The following NPSR1 variants were observed in gnomAD, a reference collection of about 807,000 sequenced individuals.
The protein encoded by NPSR1 is neuropeptide S receptor 1.
NPSR1 carries 48 observed loss-of-function variants against 46.9 expected under a neutral mutation model. The observed-to-expected ratio is 1.02, with a 90% confidence interval of 0.81 to 1.30. The LOEUF is 1.30. NPSR1 is among the 50% of genes most tolerant of loss of function. NPSR1 has a pLI of 0.00. For missense variants in NPSR1, 450 were observed against 449.5 expected (o/e 1.00, Z -0.01); for synonymous variants, 176 against 168.1 (o/e 1.05, Z -0.36).
intron 4 of NPSR1, among the ~76,000 whole-genome samples, chr7:34,824,480 G>C (rs1789729461): frequency 6.6e-6 from 1 of 152,264 alleles, no homozygotes; most frequent in Middle Eastern, 3.4e-3. Context: ...TGCCTGGAAG[G>C]CCATCAGTCT....
chr7:34,874,560 T>C (rs1791533366), intron 8 of NPSR1, among the ~76,000 whole-genome samples: 1 of 152,234 alleles, frequency 6.6e-6, no homozygotes, highest in South Asian at 2.1e-4. Flanking sequence ...GATTATTTCA[T>C]GGGATGTTCA....
rs189356831 is a variant in NPSR1, at chr7:34,692,325, A to T, written c.280+7641A>T. ...GCCATAAAGCAATTCTCAATAAATT[A>T]AAAAAAACTGAAATCATATCAAGTG... On this transcript the variant is annotated intron_variant, in intron 2 of 8. Coordinates refer to ENST00000360581, the MANE Select transcript of NPSR1 (RefSeq NM_207172.2). 9.6e-3 allele frequency among the ~76,000 whole-genome samples: 1,468 copies of T among 152,154 alleles called. 16 individuals carry two copies. Among genetic ancestry groups the T allele is most frequent in the Middle Eastern group, 0.017 (5 of 292 alleles).
At chr7:34,778,658 C>G in intron 3 of NPSR1, 93 bp downstream of exon 3, 2 of 781,998 alleles carry the variant, frequency 2.6e-6, no homozygotes, top group South Asian at 3.4e-5. Flanking sequence ...CCTTGCATTC[C>G]TATGCATCAA....
rs186075854 is a variant in NPSR1, at chr7:34,835,622, C to T, written c.757+1162C>T. Among the ~76,000 whole-genome samples, 490 of 152,256 alleles carry T rather than the reference C, an allele frequency of 3.2e-3. 2 individuals carry two copies. Among genetic ancestry groups the T allele is most frequent in the Admixed American group, 5.8e-3 (89 of 15,290 alleles). ...CACCAAGAGGATGCACAAGTATTAT[C>T]GGGCACTGATAACTTGTGTCTCTTT... On this transcript the variant is annotated intron_variant, in intron 6 of 8. Transcript: ENST00000360581.
intron 8 of NPSR1, among the ~76,000 whole-genome samples, chr7:34,875,336 T>C (rs1231140749): frequency 1.3e-5 from 2 of 152,192 alleles, no homozygotes; most frequent in Non-Finnish European, 2.9e-5. Context: ...AATCTAAACT[T>C]GCATTTTAAA....
In NPSR1 at chr7:34,834,437, A is replaced by C. The variant is rs1403041686; in HGVS notation, c.734A>C (p.Glu245Ala). 6.2e-7 allele frequency: 1 copy of C among 1,613,010 alleles called. No homozygotes were observed. The highest frequency in any genetic ancestry group is 1.7e-5 in the Admixed American group (1 of 60,024). Residue 245 changes from glutamate to alanine, a missense_variant, in exon 6 of 9, where the codon GAA becomes GCA. Physicochemically the swap from Glu to Ala is moderately radical, Grantham distance 107. Transcript: ENST00000360581. ...ATTTGGATTAAAAGCAAAACCTACG[A>C]AACAGTGATTTCCAACTGCTCAGGT... The part of the protein sequence containing the change: ...RTIWIKSKTY[E>A]TVISNCSDGK...
At chr7:34,790,976 A>ATATGTTATATTATATATGT (rs1181718550) in intron 3 of NPSR1, among the ~76,000 whole-genome samples, 1 of 117,128 alleles carries the variant, frequency 8.5e-6, no homozygotes, top group Non-Finnish European at 1.7e-5. Context: ...TATATATGTT[A>ATATGTTATATTATATATGT]TATGTTATAT....
In NPSR1 at chr7:34,791,834, C is replaced by T. The variant is rs557489090; in HGVS notation, c.384+13269C>T. 5.1e-4 allele frequency among the ~76,000 whole-genome samples: 77 copies of T among 152,170 alleles called. No individual in the cohort carries two copies. The South Asian group carries it at 0.015, about 29-fold the overall frequency. On this transcript the variant is annotated intron_variant, in intron 3 of 8. Transcript: ENST00000360581. ...CTACAGTAATCGAAACAGTGTTGTA[C>T]TGGCATGAAGGCAGACATATAGACA...
At chr7:34,791,050 G>A (rs1787807983) in intron 3 of NPSR1, among the ~76,000 whole-genome samples, 1 of 103,190 alleles carries the variant, frequency 9.7e-6, no homozygotes, top group African/African-American at 4.2e-5. Context: ...TATTATATAT[G>A]TTATATGTTA....
chr7:34,781,524 G>A (rs1397328486), intron 3 of NPSR1, among the ~76,000 whole-genome samples: 3 of 152,182 alleles, frequency 2.0e-5, no homozygotes, highest in Non-Finnish European at 2.9e-5. Flanking sequence ...ATCAGTATTA[G>A]ACACAGAAAG....
At chr7:34,675,858 C>T (rs527904930) in intron 1 of NPSR1, among the ~76,000 whole-genome samples, 60 of 152,202 alleles carry the variant, frequency 3.9e-4, no homozygotes, top group Non-Finnish European at 5.7e-4. Context: ...GAGAACAGGC[C>T]AATCTTTAGT....
At chr7:34,751,125 T>C (rs186329272) in intron 2 of NPSR1, 2 of 863,684 alleles carry the variant, frequency 2.3e-6, no homozygotes, top group African/African-American at 1.6e-5. Flanking sequence ...CCAGCCCCAC[T>C]GTTTTCCACA....
downstream of NPSR1, among the ~76,000 whole-genome samples, chr7:34,853,664 T>G (rs1444213823): frequency 6.6e-6 from 1 of 152,166 alleles, no homozygotes; most frequent in Non-Finnish European, 1.5e-5. Context: ...TGACTCAATA[T>G]TAATATTTTT....
downstream of NPSR1, among the ~76,000 whole-genome samples, chr7:34,853,772 C>T (rs1254687830): frequency 6.6e-6 from 1 of 151,932 alleles, no homozygotes; most frequent in Non-Finnish European, 1.5e-5. Context: ...CGAGACCATC[C>T]CAGTCAATAT....
chr7:34,698,681 G>T (rs1793660480), intron 2 of NPSR1, among the ~76,000 whole-genome samples: 1 of 152,134 alleles, frequency 6.6e-6, no homozygotes, highest in Non-Finnish European at 1.5e-5. Flanking sequence ...CAATTTGTGA[G>T]GTAGAATATT....
chr7:34,786,718 T>A (rs1187270238), intron 3 of NPSR1, among the ~76,000 whole-genome samples: 1 of 152,134 alleles, frequency 6.6e-6, no homozygotes, highest in African/African-American at 2.4e-5. Context: ...GAAGACAAGT[T>A]TAATCTTTTT....
chr7:34,794,992 T>C (rs889039650), intron 3 of NPSR1, among the ~76,000 whole-genome samples: 1 of 152,070 alleles, frequency 6.6e-6, no homozygotes, highest in East Asian at 1.9e-4. Context: ...TGAGCTATGA[T>C]TGTGCCACTG....
intron 2 of NPSR1, among the ~76,000 whole-genome samples, chr7:34,739,622 C>A (rs1456050057): frequency 6.6e-6 from 1 of 152,208 alleles, no homozygotes; most frequent in African/African-American, 2.4e-5. Context: ...ACTCTCCCCA[C>A]TTTTCCTAGG....
intron 4 of NPSR1, among the ~76,000 whole-genome samples, chr7:34,815,496 C>T (rs776533301): frequency 3.3e-5 from 5 of 152,220 alleles, no homozygotes; most frequent in Non-Finnish European, 7.3e-5. Flanking sequence ...GGAACACACT[C>T]TTCATGATAT....
Sources: allele counts gnomAD v4.1 joint callset (sites outside exome capture counted in the v4.1 genomes callset), GRCh38; gene constraint gnomAD v4.1.1; transcripts MANE v1.5; gene names NCBI Gene and HGNC (gene_info 2026-07-23, HGNC 2026-07-21).